Variants in UBE3A observed in about 807,000 individuals in gnomAD.
The protein encoded by UBE3A is ubiquitin protein ligase E3A.
UBE3A carries 6 observed loss-of-function variants against 83.4 expected under a neutral mutation model. The observed-to-expected ratio is 0.07, with a 90% confidence interval of 0.04 to 0.14. UBE3A has a LOEUF of 0.14. UBE3A is among the 10% of genes least tolerant of loss of function. The probability of loss-of-function intolerance (pLI) is 1.00; values close to 1 mark genes in which losing one functional copy is unlikely to be tolerated. For missense variants in UBE3A, 456 were observed against 1,036.1 expected, an observed-to-expected ratio of 0.44 and a Z score of 7.69; for synonymous variants, 337 against 355.4, an observed-to-expected ratio of 0.95 and a Z score of 0.58.
At chr15:25,385,994 A>C (rs4488416) in intron 4 of UBE3A, among the ~76,000 whole-genome samples, 3 of 152,002 alleles carry the variant, frequency 2.0e-5, no homozygotes, top group Non-Finnish European at 4.4e-5. Context: ...AGACTATTCC[A>C]GTCTTAACAA....
chr15:25,412,939 A>AT lies in UBE3A; in HGVS notation c.-164-969dup, dbSNP rs202014453. ...CAGTGCATGAAGTAGGGGTAAATGA[A>AT]TTTTTTTTTTAATTTTTTTCAGACC... On this transcript the variant is annotated intron_variant, in intron 1 of 12. Coordinates refer to ENST00000648336, the MANE Select transcript of UBE3A (RefSeq NM_130839.5). 1,484 of 397,300 alleles carry AT rather than the reference A, an allele frequency of 3.7e-3. 4 individuals are homozygous for AT. Among genetic ancestry groups the AT allele is most frequent in the African/African-American group, 9.5e-3 (445 of 46,646 alleles). The allele number at this position is 397,300 out of a possible 1,614,324, so 24.6% of individuals were successfully genotyped here.
At position 25,398,771 on chromosome 15, in the gene UBE3A, TTATATA is replaced by T. The variant is rs1159969391; in HGVS notation, c.62+6684_62+6689del. Among the ~76,000 whole-genome samples the T allele has an allele frequency of 3.1e-3, 215 of 68,930 alleles. 1 individual carries two copies. Among genetic ancestry groups the T allele is most frequent in the African/African-American group, 5.7e-3 (127 of 22,358 alleles). 45.2% of individuals were successfully genotyped at this position (68,930 alleles called of 152,430 possible). On this transcript the variant is annotated intron_variant, in intron 4 of 12. Transcript: ENST00000648336. Reference sequence around the variant, plus strand: ...CAGCGCACTGATTTTATTCTTTTATTTATATATATATATATATATATATATATATAT... The same window carrying T: ...CAGCGCACTGATTTTATTCTTTTATTTATATATATATATATATATATATAT...
At chr15:25,349,397 A>G (rs894999727) in intron 11 of UBE3A, among the ~76,000 whole-genome samples, 6 of 152,204 alleles carry the variant, frequency 3.9e-5, no homozygotes, top group African/African-American at 1.4e-4. Context: ...AAGAAAAAAT[A>G]AATTAGACCT....
chr15:25,429,099 C>G (rs1055173917), intron 1 of UBE3A, among the ~76,000 whole-genome samples: 1 of 152,098 alleles, frequency 6.6e-6, no homozygotes, highest in African/African-American at 2.4e-5. Flanking sequence ...AAAAATCAAG[C>G]TATTGAAAGA....
chr15:25,407,152 T>C (rs557397385), intron 3 of UBE3A: 23 of 1,349,636 alleles, frequency 1.7e-5, no homozygotes, highest in East Asian at 4.6e-5. Context: ...AAATTGATGA[T>C]AACCCCATGT....
In UBE3A at chr15:25,333,752, T is replaced by C. The variant is rs184299960; in HGVS notation, c.*5385A>G. On this transcript the variant is annotated 3_prime_UTR_variant, in exon 13 of 13. Transcript: ENST00000648336. ...ATCCAGCAGCATAGAACAAGGTTTATGTAGCATGGACAACTGAGATTATCC... is the reference window on the plus strand; with the variant it reads ...ATCCAGCAGCATAGAACAAGGTTTACGTAGCATGGACAACTGAGATTATCC... 1 of 152,222 alleles carries C rather than the reference T, an allele frequency of 6.6e-6. No homozygotes were observed. Among genetic ancestry groups the C allele is most frequent in the Non-Finnish European group, 1.5e-5 (1 of 68,046 alleles). The allele number at this position is 152,222 out of a possible 1,614,324, so 9.4% of individuals were successfully genotyped here.
intron 6 of UBE3A, among the ~76,000 whole-genome samples, chr15:25,367,326 T>TA: frequency 1.5e-5 from 2 of 134,664 alleles, no homozygotes; most frequent in East Asian, 4.8e-4. Context: ...CATATTTATA[T>TA]TAAAAATGTA....
intron 4 of UBE3A, among the ~76,000 whole-genome samples, chr15:25,403,375 G>A (rs1596220855): frequency 6.6e-6 from 1 of 151,918 alleles, no homozygotes; most frequent in South Asian, 2.1e-4. Context: ...AAAAAGTTTC[G>A]TGGTCACTAA....
chr15:25,407,343 G>C, intron 3 of UBE3A: 1 of 899,508 alleles, frequency 1.1e-6, no homozygotes, highest in Non-Finnish European at 1.4e-6. Context: ...AGAGAAGAGA[G>C]GGAAAAAATG....
chr15:25,361,126 CTTTTTT>C (rs10713541), intron 6 of UBE3A, among the ~76,000 whole-genome samples: 5 of 115,402 alleles, frequency 4.3e-5, no homozygotes, highest in African/African-American at 1.2e-4. Flanking sequence ...TGTCCTTACT[CTTTTTT>C]TTTTTTTTTT....
chr15:25,399,967 T>C (rs928041262), intron 4 of UBE3A, among the ~76,000 whole-genome samples: 7 of 152,158 alleles, frequency 4.6e-5, no homozygotes, highest in African/African-American at 1.7e-4. Flanking sequence ...TCCAGCTTTG[T>C]TCTTTTCACT....
intron 3 of UBE3A, 120 bp from the exon 4 acceptor site, chr15:25,405,622 T>A: frequency 9.3e-7 from 1 of 1,072,180 alleles, no homozygotes; most frequent in Non-Finnish European, 1.4e-6. Flanking sequence ...AAAACAGTTT[T>A]AAAATTAAAG....
chr15:25,367,508 G>A (rs2079526106), intron 6 of UBE3A, among the ~76,000 whole-genome samples: 1 of 151,948 alleles, frequency 6.6e-6, no homozygotes, highest in Admixed American at 6.6e-5. Flanking sequence ...AAGTTAAACG[G>A]GTAGGGTGGG....
chr15:25,367,763 A>G (rs2079564633), intron 6 of UBE3A, among the ~76,000 whole-genome samples: 1 of 152,092 alleles, frequency 6.6e-6, no homozygotes, highest in Non-Finnish European at 1.5e-5. Context: ...CAATTTCTCT[A>G]AAAACCTCAG....
chr15:25,397,529 C>A (rs1365160319), intron 4 of UBE3A, among the ~76,000 whole-genome samples: 1 of 151,944 alleles, frequency 6.6e-6, no homozygotes, highest in African/African-American at 2.4e-5. Context: ...ACATAATGGC[C>A]CCTCAACTTC....
chr15:25,393,414 AAAAC>A (rs2084858767), intron 4 of UBE3A, among the ~76,000 whole-genome samples: 1 of 152,194 alleles, frequency 6.6e-6, no homozygotes, highest in Non-Finnish European at 1.5e-5. Context: ...CAGCAGTTAA[AAAAC>A]AAAGAACTCG....
chr15:25,359,764 A>C (rs148908848), intron 7 of UBE3A, among the ~76,000 whole-genome samples: 10 of 152,232 alleles, frequency 6.6e-5, no homozygotes, highest in Admixed American at 6.5e-4. Flanking sequence ...AAAAGGGAAA[A>C]AACTAAAATT....
chr15:25,417,131 T>G (rs1260340544), intron 1 of UBE3A, among the ~76,000 whole-genome samples: 3 of 152,108 alleles, frequency 2.0e-5, no homozygotes, highest in Non-Finnish European at 4.4e-5. Context: ...AGCTGAAATA[T>G]TCCCAGTACT....
chr15:25,347,960 T>C (rs2075957532), intron 11 of UBE3A, among the ~76,000 whole-genome samples: 1 of 152,020 alleles, frequency 6.6e-6, no homozygotes, highest in African/African-American at 2.4e-5. Flanking sequence ...CTATATGCTG[T>C]TTACAAGAGA....
Sources: gnomAD v4.1 joint callset for allele counts (sites outside exome capture counted in the v4.1 genomes callset) on GRCh38, gnomAD v4.1.1 for gene constraint, MANE v1.5 for transcripts, NCBI Gene and HGNC (gene_info 2026-07-23, HGNC 2026-07-21) for gene names.